Variants in HERC2 observed in about 807,000 individuals in gnomAD.
HERC2 encodes the protein E3 ubiquitin-protein ligase HERC2.
HERC2 carries 102 observed loss-of-function variants against 537.7 expected under a neutral mutation model. That is an observed-to-expected ratio of 0.19 (90% CI 0.16 to 0.22). HERC2 has a LOEUF of 0.22. Ranked by LOEUF, HERC2 falls within the 10% of genes least tolerant of loss-of-function variation. The pLI is 1.00. For synonymous variants in HERC2, 2,224 were observed against 2,466.2 expected (o/e 0.90, Z 2.91); for missense variants, 4,236 against 6,198.2 (o/e 0.68, Z 10.63).
intron 57 of HERC2, among the ~76,000 whole-genome samples, chr15:28,181,370 T>C (rs756714171): frequency 2.0e-5 from 3 of 152,230 alleles, no homozygotes; most frequent in Non-Finnish European, 2.9e-5. Flanking sequence ...CACAGCTCAC[T>C]GCCCACTGTC....
intron 20 of HERC2, among the ~76,000 whole-genome samples, chr15:28,250,101 A>T (rs1194704995): frequency 6.8e-6 from 1 of 146,514 alleles, no homozygotes; most frequent in Non-Finnish European, 1.5e-5. Context: ...TCTGCACAAC[A>T]CCAAGAGTGA....
At chr15:28,138,872 T>C (rs1292685312) in intron 78 of HERC2, among the ~76,000 whole-genome samples, 2 of 152,210 alleles carry the variant, frequency 1.3e-5, no homozygotes, top group African/African-American at 4.8e-5. Context: ...TAAATGCCAT[T>C]AAGAACATTT....
chr15:28,137,808 C>G (rs1248038346), intron 78 of HERC2, among the ~76,000 whole-genome samples: 1 of 152,146 alleles, frequency 6.6e-6, no homozygotes, highest in African/African-American at 2.4e-5. Context: ...CACTTTAAGT[C>G]AAAAGCTAGA....
At chr15:28,310,834 T>A (rs12442229) in intron 2 of HERC2, among the ~76,000 whole-genome samples, 1 of 151,630 alleles carries the variant, frequency 6.6e-6, no homozygotes, top group African/African-American at 2.4e-5. Flanking sequence ...TCCCAGCACT[T>A]TGGGAGGCCG....
intron 65 of HERC2, among the ~76,000 whole-genome samples, chr15:28,173,131 C>G (rs1462591629): frequency 6.6e-6 from 1 of 152,190 alleles, no homozygotes; most frequent in Non-Finnish European, 1.5e-5. Flanking sequence ...ATGTGGACCT[C>G]TGGAACATCC....
intron 5 of HERC2, among the ~76,000 whole-genome samples, chr15:28,277,825 C>A (rs143619308): frequency 6.6e-6 from 1 of 152,158 alleles, no homozygotes; most frequent in African/African-American, 2.4e-5. Context: ...CATGTACAGT[C>A]GTCCCTTGGT....
chr15:28,224,371 A>G (rs182283035), intron 35 of HERC2, among the ~76,000 whole-genome samples: 1 of 151,888 alleles, frequency 6.6e-6, no homozygotes, highest in African/African-American at 2.4e-5. Flanking sequence ...ATAGGCACAC[A>G]CCACTATGCC....
At chr15:28,131,152 T>C (rs1385778279) in intron 81 of HERC2, among the ~76,000 whole-genome samples, 1 of 152,146 alleles carries the variant, frequency 6.6e-6, no homozygotes, top group African/African-American at 2.4e-5. Flanking sequence ...CTCAAATTAA[T>C]TAAAACTGAC....
chr15:28,144,987 C>T (rs962176620), intron 71 of HERC2, among the ~76,000 whole-genome samples, 183 bp from the exon 72 acceptor site: 33 of 152,238 alleles, frequency 2.2e-4, no homozygotes, highest in African/African-American at 8.0e-4. Flanking sequence ...TTAATACATA[C>T]CATTCTTCAG....
At chr15:28,287,719 CTTTTTT>C (rs766216433) in intron 4 of HERC2, among the ~76,000 whole-genome samples, 2 of 124,790 alleles carry the variant, frequency 1.6e-5, no homozygotes, top group African/African-American at 3.4e-5. Flanking sequence ...ACTTATTCCT[CTTTTTT>C]TTTTTTTTTT....
intron 83 of HERC2, among the ~76,000 whole-genome samples, chr15:28,128,315 C>G (rs550596340): frequency 2.0e-5 from 3 of 152,268 alleles, no homozygotes; most frequent in African/African-American, 4.8e-5. Flanking sequence ...GCAGGACGAG[C>G]CTCCCTGTTT....
intron 5 of HERC2, among the ~76,000 whole-genome samples, chr15:28,277,980 G>A (rs890011744): frequency 1.5e-4 from 23 of 151,918 alleles, no homozygotes; most frequent in African/African-American, 5.6e-4. Flanking sequence ...TCTCAGCCAG[G>A]CACAGTGGCT....
intron 78 of HERC2, among the ~76,000 whole-genome samples, chr15:28,137,693 A>ACCTC (rs1890792936): frequency 6.6e-6 from 1 of 151,910 alleles, no homozygotes; most frequent in African/African-American, 2.4e-5. Context: ...CTCTCCTCAG[A>ACCTC]CCTCCCTATT....
At chr15:28,225,968 A>T (rs1389364535) in intron 35 of HERC2, among the ~76,000 whole-genome samples, 2 of 152,230 alleles carry the variant, frequency 1.3e-5, no homozygotes, top group Non-Finnish European at 2.9e-5. Flanking sequence ...CTTTCAACAA[A>T]GAAAAGCTTA....
chr15:28,186,516 A>C, intron 56 of HERC2, 61 bp downstream of exon 56: 2 of 1,387,056 alleles, frequency 1.4e-6, no homozygotes, highest in Non-Finnish European at 1.0e-6. Flanking sequence ...TTTCCTTTCG[A>C]AAGTGAGGAT....
In HERC2 at chr15:28,265,025, A is replaced by C. The variant is rs1288790939; in HGVS notation, c.1870+593T>G. Reference sequence around the variant, plus strand: ...GCCATTCAACTTCTGCAGGAGAGAAAGCAAGCTGACAGGTACCCCTGCTGA... The same window carrying C: ...GCCATTCAACTTCTGCAGGAGAGAACGCAAGCTGACAGGTACCCCTGCTGA... On this transcript the variant is annotated intron_variant, in intron 14 of 92. Coordinates refer to ENST00000261609, the MANE Select transcript of HERC2 (RefSeq NM_004667.6). This position sits in a 1 kb window ranked among gnomAD's most constrained non-coding sequence, Gnocchi z 4.0. Among the ~76,000 whole-genome samples, 1 of 152,244 alleles carries C rather than the reference A, an allele frequency of 6.6e-6. No homozygotes were observed. Among genetic ancestry groups the C allele is most frequent in the Non-Finnish European group, 1.5e-5 (1 of 68,046 alleles).
intron 20 of HERC2, among the ~76,000 whole-genome samples, chr15:28,253,029 T>C (rs890446699): frequency 2.0e-5 from 3 of 152,224 alleles, no homozygotes; most frequent in Admixed American, 6.5e-5. Flanking sequence ...AGTGCTTTGC[T>C]TTCTCTATGT....
rs1434070824 is a variant in HERC2 at position 28,176,706 on chromosome 15, G to T, written c.9495C>A (p.Thr3165=). The T allele has an allele frequency of 2.5e-6, 4 of 1,613,782 alleles. No homozygotes were observed. In the African/African-American group the frequency reaches 5.3e-5, roughly 22 times the overall value. The part of the protein sequence containing the change: ...QVACGSRDAQ[T]LALTDEGLVF... ...ACTCACCTTCATCGGTCAGAGCCAG[G>T]GTCTGCGCGTCTCTACTCCCACATG... Residue 3165 remains threonine, a synonymous_variant, in exon 62 of 93, where the codon ACC becomes ACA. Coordinates refer to ENST00000261609, the MANE Select transcript of HERC2 (RefSeq NM_004667.6). This position sits in a 1 kb window ranked among gnomAD's most constrained non-coding sequence, Gnocchi z 5.0.
intron 65 of HERC2, among the ~76,000 whole-genome samples, chr15:28,169,958 T>C (rs539496753): frequency 3.3e-5 from 5 of 152,314 alleles, no homozygotes; most frequent in East Asian, 1.9e-4. Flanking sequence ...CTACAATAAC[T>C]ACCTGTATTT....
Sources: gnomAD v4.1 joint callset for allele counts (sites outside exome capture counted in the v4.1 genomes callset) on GRCh38, gnomAD v4.1.1 for gene constraint, Gnocchi (gnomAD v3.1) non-coding constraint, MANE v1.5 for transcripts, NCBI Gene and HGNC (gene_info 2026-07-23, HGNC 2026-07-21) for gene names.